Variants in GNPAT observed in about 807,000 individuals in gnomAD.
The protein encoded by GNPAT is dihydroxyacetone phosphate acyltransferase.
Under a neutral mutation model 78.4 loss-of-function variants are expected in GNPAT, and 30 were observed. The observed-to-expected ratio is 0.38, with a 90% CI of 0.29 to 0.52. The LOEUF is 0.52. GNPAT is among the 20% of genes least tolerant of loss of function. The pLI, the probability that GNPAT is intolerant of heterozygous loss-of-function variation, is 0.84. For synonymous variants in GNPAT, 271 were observed against 281.1 expected, an observed-to-expected ratio of 0.96 and a Z score of 0.36; for missense variants, 714 against 812.2, an observed-to-expected ratio of 0.88 and a Z score of 1.47.
At chr1:231,277,084 C>T (rs1383061520) in intron 15 of GNPAT, among the ~76,000 whole-genome samples, 2 of 152,106 alleles carry the variant, frequency 1.3e-5, no homozygotes, top group Admixed American at 6.5e-5. Context: ...AGTACTAGAC[C>T]TTGTAGAAAA....
Position 231,244,778 on chromosome 1 carries a change from C to T in GNPAT, c.78+3322C>T, listed in dbSNP as rs944494727. ...GCATGTAGGTTGTATCTATAGCATT[C>T]GGTGAGCCTGAAATCATTCAGTGAG... On this transcript the variant is annotated intron_variant, in intron 1 of 15. Transcript: ENST00000366647. Among the ~76,000 whole-genome samples, 4 of 152,230 alleles carry T rather than the reference C, an allele frequency of 2.6e-5. No individual in the cohort carries two copies. In the South Asian group the frequency reaches 6.2e-4, roughly 24 times the overall value.
At chr1:231,273,091 C>G (rs1055675362) in intron 11 of GNPAT, among the ~76,000 whole-genome samples, 2 of 152,150 alleles carry the variant, frequency 1.3e-5, no homozygotes, top group Admixed American at 6.6e-5. Flanking sequence ...GCTGGTCCTG[C>G]CTGGTCTAGA....
intron 1 of GNPAT, among the ~76,000 whole-genome samples, chr1:231,242,542 A>G (rs1377024650): frequency 6.6e-6 from 1 of 152,202 alleles, no homozygotes; most frequent in Non-Finnish European, 1.5e-5. Flanking sequence ...CTTATTATTT[A>G]GATATATCTC....
At chr1:231,255,514 C>G (rs1202567249) in intron 2 of GNPAT, among the ~76,000 whole-genome samples, 1 of 152,188 alleles carries the variant, frequency 6.6e-6, no homozygotes, top group Non-Finnish European at 1.5e-5. Flanking sequence ...ACCTTGAACT[C>G]CTGGGCTCAA....
intron 1 of GNPAT, among the ~76,000 whole-genome samples, chr1:231,248,255 A>G (rs140613978): frequency 0.01 from 1,588 of 152,352 alleles, 14 homozygotes; most frequent in South Asian, 0.031. Context: ...TTAATAAAGT[A>G]TGCTAGAGAA....
At chr1:231,268,926 C>T (rs920347617) in intron 9 of GNPAT, among the ~76,000 whole-genome samples, 1 of 150,020 alleles carries the variant, frequency 6.7e-6, no homozygotes, top group African/African-American at 2.5e-5. Flanking sequence ...AAAAATTGTA[C>T]AGGCTACAGT....
chr1:231,255,536 G>C (rs1445610795), intron 2 of GNPAT, among the ~76,000 whole-genome samples: 1 of 152,092 alleles, frequency 6.6e-6, no homozygotes, highest in Non-Finnish European at 1.5e-5. Flanking sequence ...CGATCTTCCT[G>C]CCCCAGCCTC....
Position 231,272,382 on chromosome 1 carries a change from C to A in GNPAT, c.1593C>A (p.Asn531Lys). The A allele has an allele frequency of 6.4e-7, 1 of 1,559,220 alleles. No individual in the cohort carries two copies. The highest frequency in any genetic ancestry group is 8.8e-7 in the Non-Finnish European group (1 of 1,131,080). ...ATGAGTTCATCTTCCTTCCAGGAAA[C>A]ACACTAAAGGTAAAGTGCTTACAAC... ...FADEFIFLPGNTLKDFEEGCY... is the reference protein window; with the variant it reads ...FADEFIFLPGKTLKDFEEGCY... The change falls in exon 11 of 16, where the codon AAC (asparagine) becomes AAA (lysine). Residue 531 changes from asparagine (N) to lysine (K), a missense_variant. Coordinates refer to ENST00000366647, the MANE Select transcript of GNPAT (RefSeq NM_014236.4).
chr1:231,251,610 A>G (rs574589908), intron 2 of GNPAT, among the ~76,000 whole-genome samples: 16 of 152,322 alleles, frequency 1.1e-4, no homozygotes, highest in Admixed American at 4.6e-4. Flanking sequence ...CAAAATCCCC[A>G]TATCATCCCC....
intron 1 of GNPAT, among the ~76,000 whole-genome samples, chr1:231,249,147 A>G (rs1684825725): frequency 1.3e-5 from 2 of 152,224 alleles, no homozygotes; most frequent in African/African-American, 4.8e-5. Context: ...CAGTCTATAG[A>G]GCGCAAACTG....
intron 2 of GNPAT, among the ~76,000 whole-genome samples, chr1:231,254,695 G>A (rs755397487): frequency 1.3e-5 from 2 of 150,412 alleles, no homozygotes; most frequent in African/African-American, 2.5e-5. Flanking sequence ...TGATCCACCC[G>A]CCTTGGCCTC....
chr1:231,259,998 G>A (rs1021116609), intron 2 of GNPAT, among the ~76,000 whole-genome samples: 22 of 152,306 alleles, frequency 1.4e-4, no homozygotes, highest in South Asian at 4.1e-4. Flanking sequence ...AATAAGTTCC[G>A]TTGTGAGATT....
chr1:231,241,301 G>T lies in GNPAT; in HGVS notation c.-78G>T. 7.0e-7 allele frequency: 1 copy of T among 1,431,696 alleles called. No homozygotes were observed. The highest frequency in any genetic ancestry group is 1.1e-5 in the South Asian group (1 of 87,454). 88.7% of individuals were successfully genotyped at this position (1,431,696 alleles called of 1,614,324 possible). ...TAGGCGAAGTAGGGCCGTCCTGAGCGAAAGAACCGCCCCCAGCAGGAGCAC... is the reference window on the plus strand; with the variant it reads ...TAGGCGAAGTAGGGCCGTCCTGAGCTAAAGAACCGCCCCCAGCAGGAGCAC... On this transcript the variant is annotated 5_prime_UTR_variant, in exon 1 of 16. An upstream open reading frame in the 5' UTR gains an earlier in-frame stop. Transcript: ENST00000366647.
intron 1 of GNPAT, among the ~76,000 whole-genome samples, chr1:231,246,817 A>G (rs1015817595): frequency 3.9e-5 from 6 of 152,224 alleles, no homozygotes; most frequent in East Asian, 1.9e-4. Flanking sequence ...TGGAACCTGG[A>G]TATCAGTATT....
Position 231,261,144 on chromosome 1 carries a change from A to G in GNPAT, c.438+461A>G, listed in dbSNP as rs1244387591. 2.6e-5 allele frequency among the ~76,000 whole-genome samples: 4 copies of G among 152,226 alleles called. No homozygotes were observed. The South Asian group carries it at 8.3e-4, about 31-fold the overall frequency. ...AGGAAATTAACATTGAACAAATACT[A>G]GTAATACTGACCTGACTCATATTTC... is the stretch of plus-strand genomic sequence containing the variant. On this transcript the variant is annotated intron_variant, in intron 3 of 15. Coordinates refer to ENST00000366647, the MANE Select transcript of GNPAT (RefSeq NM_014236.4).
chr1:231,257,092 AAG>A (rs1441714496), intron 2 of GNPAT, among the ~76,000 whole-genome samples: 6 of 152,326 alleles, frequency 3.9e-5, no homozygotes, highest in African/African-American at 1.4e-4. Flanking sequence ...TGCATAGAGT[AAG>A]AGATCAGTTG....
intron 14 of GNPAT, among the ~76,000 whole-genome samples, chr1:231,275,791 G>A (rs562712327): frequency 6.6e-6 from 1 of 152,100 alleles, no homozygotes; most frequent in Non-Finnish European, 1.5e-5. Context: ...GAGTGTAGTG[G>A]GCATATGAGT....
intron 1 of GNPAT, among the ~76,000 whole-genome samples, chr1:231,241,869 C>G (rs1684620386): frequency 1.3e-5 from 2 of 152,340 alleles, no homozygotes; most frequent in South Asian, 4.1e-4. Context: ...GGCTCCGCAC[C>G]CCGCCCTATG....
chr1:231,258,030 G>A (rs1336060652), intron 2 of GNPAT, among the ~76,000 whole-genome samples: 1 of 152,086 alleles, frequency 6.6e-6, no homozygotes, highest in Non-Finnish European at 1.5e-5. Flanking sequence ...TATTTCCATA[G>A]GTTTACGGTT....
Sources: gnomAD v4.1 joint callset for allele counts (sites outside exome capture counted in the v4.1 genomes callset) on GRCh38, gnomAD v4.1.1 for gene constraint, MANE v1.5 for transcripts, NCBI Gene and HGNC (gene_info 2026-07-23, HGNC 2026-07-21) for gene names.